Variants in KDM1B observed in about 807,000 individuals in gnomAD.
KDM1B encodes the protein lysine-specific histone demethylase 2.
KDM1B carries 63 observed loss-of-function variants against 107.4 expected under a neutral mutation model. That is an observed-to-expected ratio of 0.59 (90% confidence interval 0.48 to 0.72). The LOEUF is 0.72. Ranked by LOEUF, KDM1B falls within the 30% of genes least tolerant of loss-of-function variation. The pLI is 0.00. For missense variants in KDM1B, 749 were observed against 1,020.8 expected, an observed-to-expected ratio of 0.73 and a Z score of 3.63; for synonymous variants, 363 against 363.9, an observed-to-expected ratio of 1.00 and a Z score of 0.03.
chr6:18,193,194 TAAAA>T (rs541938365), intron 10 of KDM1B, among the ~76,000 whole-genome samples: 3 of 60,076 alleles, frequency 5.0e-5, no homozygotes, highest in African/African-American at 1.1e-4. Context: ...AAACTCTGTC[TAAAA>T]AAAAAAAAAA....
chr6:18,213,860 G>A lies in KDM1B; in HGVS notation c.2109+79G>A. 1 of 1,494,326 alleles carries A rather than the reference G, an allele frequency of 6.7e-7. No individual in the cohort carries two copies. The highest frequency in any genetic ancestry group is 9.3e-7 in the Non-Finnish European group (1 of 1,076,816). 92.6% of individuals were successfully genotyped at this position (1,494,326 alleles called of 1,614,324 possible). On this transcript the variant is annotated intron_variant, in intron 19 of 21. Coordinates refer to ENST00000650836, the MANE Select transcript of KDM1B (RefSeq NM_001364614.2). This position sits in a 1 kb window ranked among gnomAD's most constrained non-coding sequence, Gnocchi z 5.9. ...GATGTGATAATTACTCACCTATCAA[G>A]CTCAGGAACTAACGAACATCATGGA...
chr6:18,220,402 A>C (rs1436904035), intron 21 of KDM1B, among the ~76,000 whole-genome samples: 5 of 152,136 alleles, frequency 3.3e-5, no homozygotes, highest in Non-Finnish European at 7.4e-5. Flanking sequence ...TACAAAAATC[A>C]GCTGGGCATG....
At position 18,209,953 on chromosome 6, in the gene KDM1B, C is replaced by G. The variant is rs957458278; in HGVS notation, c.1866+1747C>G. Among the ~76,000 whole-genome samples the G allele has an allele frequency of 2.0e-5, 3 of 152,106 alleles. No homozygotes were observed. Among genetic ancestry groups the G allele is most frequent in the Non-Finnish European group, 4.4e-5 (3 of 68,012 alleles). On this transcript the variant is annotated intron_variant, in intron 17 of 21. Transcript: ENST00000650836. The surrounding 1 kb of genome is among the most constrained non-coding windows in gnomAD (Gnocchi z 4.3). ...GTTCAGCCTCTGCTGTTCTGTAGCT[C>G]CACTTCTTGGTGTCCAGGACAGCAA...
Position 18,212,881 on chromosome 6 carries a change from C to T in KDM1B, c.1983+277C>T, listed in dbSNP as rs949776731. Reference sequence around the variant, plus strand: ...AAGCAATTCTTTTATCCCCTTTTTTCCCCCCTTCTGCTTTCTTTCTTGTCT... The same window carrying T: ...AAGCAATTCTTTTATCCCCTTTTTTTCCCCCTTCTGCTTTCTTTCTTGTCT... On this transcript the variant is annotated intron_variant, in intron 18 of 21. Transcript: ENST00000650836. The surrounding 1 kb of genome is among the most constrained non-coding windows in gnomAD (Gnocchi z 5.2). Among the ~76,000 whole-genome samples the T allele has an allele frequency of 1.3e-5, 2 of 151,654 alleles. No individual in the cohort carries two copies. Among genetic ancestry groups the T allele is most frequent in the African/African-American group, 4.8e-5 (2 of 41,280 alleles).
intron 21 of KDM1B, among the ~76,000 whole-genome samples, chr6:18,219,051 C>T (rs1055704670): frequency 1.1e-4 from 17 of 152,082 alleles, no homozygotes; most frequent in South Asian, 8.3e-4. Context: ...CACAGGCGCC[C>T]GCCACCACGC....
intron 20 of KDM1B, among the ~76,000 whole-genome samples, chr6:18,215,542 C>T (rs776583410): frequency 5.3e-5 from 8 of 152,126 alleles, no homozygotes; most frequent in Non-Finnish European, 5.9e-5. Flanking sequence ...GATTAAGGCT[C>T]ACCCCGGCGA....
chr6:18,206,822 T>TA (rs755567268), intron 15 of KDM1B, among the ~76,000 whole-genome samples: 98 of 152,284 alleles, frequency 6.4e-4, no homozygotes, highest in Non-Finnish European at 1.2e-3. Context: ...GAAGCCAAAA[T>TA]AGAGTATCCT....
At position 18,201,711 on chromosome 6, in the gene KDM1B, G is replaced by A. The variant is rs552487880; in HGVS notation, c.1531+54G>A. On this transcript the variant is annotated intron_variant, in intron 14 of 21. Transcript: ENST00000650836. This position sits in a 1 kb window ranked among gnomAD's most constrained non-coding sequence, Gnocchi z 4.3. ...CCATCTCAGTTTCGTTGTTACCTAA[G>A]CTTCATCAGCAGTGGCATTGTTCAT... 2 of 1,426,066 alleles carry A rather than the reference G, an allele frequency of 1.4e-6. No individual in the cohort carries two copies. The highest frequency in any genetic ancestry group is 2.5e-5 in the East Asian group (1 of 39,860). 88.3% of individuals were successfully genotyped at this position (1,426,066 alleles called of 1,614,324 possible). A position where few individuals can be genotyped will look rare whatever the true frequency, so the allele number is the denominator to read the frequency against.
chr6:18,185,832 G>A, intron 8 of KDM1B, 22 bp downstream of exon 8: 1 of 1,610,708 alleles, frequency 6.2e-7, no homozygotes, highest in Admixed American at 1.7e-5. Context: ...CGGATGGTGT[G>A]GATTGGGGTT....
At position 18,197,737 on chromosome 6, in the gene KDM1B, C is replaced by G. The variant is rs1048462845; in HGVS notation, c.1221+76C>G. The G allele has an allele frequency of 1.1e-5, 11 of 1,013,950 alleles. No homozygotes were observed. In the African/African-American group the frequency reaches 1.5e-4, roughly 13 times the overall value. 62.8% of individuals were successfully genotyped at this position (1,013,950 alleles called of 1,614,324 possible). A position where few individuals can be genotyped will look rare whatever the true frequency, so the allele number is the denominator to read the frequency against. ...GGTCCAAATTTCTAAGATTTAGAAA[C>G]CAGTTCCTATTTTTAGTGAAGAATA... On this transcript the variant is annotated intron_variant, in intron 12 of 21. Coordinates refer to ENST00000650836, the MANE Select transcript of KDM1B (RefSeq NM_001364614.2). This position sits in a 1 kb window ranked among gnomAD's most constrained non-coding sequence, Gnocchi z 4.5.
At chr6:18,196,502 T>C (rs1221599254) in intron 10 of KDM1B, among the ~76,000 whole-genome samples, 1 of 152,222 alleles carries the variant, frequency 6.6e-6, no homozygotes, top group African/African-American at 2.4e-5. Flanking sequence ...TCTTTGATAA[T>C]AGCCATTTTA....
chr6:18,218,426 G>GTC (rs1789416553), intron 21 of KDM1B, among the ~76,000 whole-genome samples: 57 of 152,078 alleles, frequency 3.7e-4, no homozygotes, highest in Admixed American at 3.7e-3. Flanking sequence ...CCCAGCCTAT[G>GTC]ATGTCATCTT....
At chr6:18,164,990 A>G (rs188637970) in intron 5 of KDM1B, among the ~76,000 whole-genome samples, 1 of 152,114 alleles carries the variant, frequency 6.6e-6, no homozygotes, top group Admixed American at 6.6e-5. Context: ...TTGTAATCCC[A>G]CTGACAATCT....
intron 7 of KDM1B, among the ~76,000 whole-genome samples, chr6:18,183,267 T>A (rs1183260189): frequency 1.4e-5 from 2 of 139,728 alleles, no homozygotes; most frequent in African/African-American, 5.3e-5. Flanking sequence ...GGTTTTTTTT[T>A]TTTTTTTTTT....
Position 18,204,696 on chromosome 6 carries a change from C to T in KDM1B, c.1532-841C>T, listed in dbSNP as rs1439272118. ...GCTGTGTCCATATAGTTACAAGGTC[C>T]GGTTGAGTGGGACAGATAAGTAAGG... is the stretch of plus-strand genomic sequence containing the variant. On this transcript the variant is annotated intron_variant, in intron 14 of 21. Coordinates refer to ENST00000650836, the MANE Select transcript of KDM1B (RefSeq NM_001364614.2). This position sits in a 1 kb window ranked among gnomAD's most constrained non-coding sequence, Gnocchi z 4.9. Among the ~76,000 whole-genome samples the T allele has an allele frequency of 2.0e-5, 3 of 151,906 alleles. No homozygotes were observed. Among genetic ancestry groups the T allele is most frequent in the African/African-American group, 4.8e-5 (2 of 41,244 alleles).
rs374259675 is a variant in KDM1B, at chr6:18,221,815, TTA to T, written c.2386-92_2386-91del. On this transcript the variant is annotated intron_variant, in intron 21 of 21. Transcript: ENST00000650836. ...GAGCACACAGGAGTGGCACAAATCT[TTA>T]TGTTAGACCAGATAAAGTCTAACCT... 1.7e-4 allele frequency: 175 copies of T among 1,002,626 alleles called. 1 individual carries two copies. Among genetic ancestry groups the T allele is most frequent in the South Asian group, 8.8e-4 (56 of 63,740 alleles). 62.1% of individuals were successfully genotyped at this position (1,002,626 alleles called of 1,614,324 possible). A position where few individuals can be genotyped will look rare whatever the true frequency, so the allele number is the denominator to read the frequency against.
chr6:18,161,886 C>A lies in KDM1B; in HGVS notation c.215+432C>A, dbSNP rs917991154. On this transcript the variant is annotated intron_variant, in intron 4 of 21. Transcript: ENST00000650836. ...CATACAGGTCTCATAGAAACTACAG[C>A]TAACTGCAGCCTTGCCATTTTTATT... is the stretch of plus-strand genomic sequence containing the variant. Among the ~76,000 whole-genome samples the A allele has an allele frequency of 2.6e-5, 4 of 152,196 alleles. No individual in the cohort carries two copies. The South Asian group carries it at 6.2e-4, about 24-fold the overall frequency.
At chr6:18,177,475 G>C (rs901510552) in intron 7 of KDM1B, among the ~76,000 whole-genome samples, 6 of 149,600 alleles carry the variant, frequency 4.0e-5, no homozygotes, top group Non-Finnish European at 8.9e-5. Flanking sequence ...GTCTGATCTC[G>C]GTTATTTCCT....
At position 18,191,597 on chromosome 6, in the gene KDM1B, T is replaced by TTCTACCCACTA. The variant is rs1446791494; in HGVS notation, c.969+216_969+217insTCTACCCACTA. On this transcript the variant is annotated intron_variant, in intron 10 of 21. Coordinates refer to ENST00000650836, the MANE Select transcript of KDM1B (RefSeq NM_001364614.2). The surrounding 1 kb of genome is among the most constrained non-coding windows in gnomAD (Gnocchi z 5.1). ...GCTTCTACCCACTAGATTCCAGTAA[T>TTCTACCCACTA]GCTTCCCACCTGTGAAAACCAAATA... 6.6e-6 allele frequency among the ~76,000 whole-genome samples: 1 copy of TTCTACCCACTA among 152,166 alleles called. No homozygotes were observed. The highest frequency in any genetic ancestry group is 1.5e-5 in the Non-Finnish European group (1 of 68,028).
Sources: gnomAD v4.1 joint callset for allele counts (sites outside exome capture counted in the v4.1 genomes callset) on GRCh38, gnomAD v4.1.1 for gene constraint, Gnocchi (gnomAD v3.1) non-coding constraint, MANE v1.5 for transcripts, NCBI Gene and HGNC (gene_info 2026-07-23, HGNC 2026-07-21) for gene names.